The following CNBD1 variants were observed in gnomAD, a reference collection of about 807,000 sequenced individuals.
CNBD1 encodes cyclic nucleotide binding domain containing 1.
CNBD1 carries 71 observed loss-of-function variants against 54.4 expected under a neutral mutation model. That is an observed-to-expected ratio of 1.30 (90% confidence interval 1.08 to 1.59). The LOEUF (loss-of-function observed/expected upper bound fraction) is 1.59, where lower values mean the gene tolerates loss of function less well. Among genes scored for constraint, CNBD1 ranks in the 40% most tolerant of loss-of-function variants. The pLI, the probability that CNBD1 is intolerant of heterozygous loss-of-function variation, is 0.00. For missense variants in CNBD1, 659 were observed against 518.0 expected (o/e 1.27, Z -2.64); for synonymous variants, 182 against 170.7 (o/e 1.07, Z -0.51).
At chr8:86,872,151 A>C (rs1363641509) in intron 1 of CNBD1, among the ~76,000 whole-genome samples, 1 of 152,146 alleles carries the variant, frequency 6.6e-6, no homozygotes, top group African/African-American at 2.4e-5. Flanking sequence ...AGAGCTGGAG[A>C]GTTATCATGC....
chr8:87,324,287 G>A (rs1218430189), intron 8 of CNBD1, among the ~76,000 whole-genome samples: 10 of 128,046 alleles, frequency 7.8e-5, no homozygotes, highest in South Asian at 2.3e-4. Context: ...GTCTCTGCCC[G>A]GCTTTGGTAT....
At chr8:87,315,275 A>G (rs1809359951) in intron 8 of CNBD1, among the ~76,000 whole-genome samples, 2 of 152,134 alleles carry the variant, frequency 1.3e-5, no homozygotes, top group Admixed American at 1.3e-4. Flanking sequence ...AGCTGTGATA[A>G]CACTGCTATA....
chr8:87,405,524 A>C (rs1281551819), intron 2 of CNBD1, among the ~76,000 whole-genome samples: 1 of 152,070 alleles, frequency 6.6e-6, no homozygotes, highest in East Asian at 1.9e-4. Context: ...ACTTAGCAAT[A>C]ATTCGTAAGT....
chr8:87,417,693 T>C (rs549215340), intron 2 of CNBD1, among the ~76,000 whole-genome samples: 1 of 152,070 alleles, frequency 6.6e-6, no homozygotes, highest in African/African-American at 2.4e-5. Context: ...TTCTATACAC[T>C]AGCAAAGAAC....
At chr8:87,082,602 T>G (rs2130667435) in intron 4 of CNBD1, among the ~76,000 whole-genome samples, 1 of 152,282 alleles carries the variant, frequency 6.6e-6, no homozygotes, top group South Asian at 2.1e-4. Context: ...TTTAAACTAT[T>G]TATGTCTTTA....
chr8:87,290,362 C>A (rs1029067750), intron 8 of CNBD1, among the ~76,000 whole-genome samples: 2 of 151,852 alleles, frequency 1.3e-5, no homozygotes, highest in Non-Finnish European at 2.9e-5. Context: ...ATATGCTTTC[C>A]TTAGTTCAAT....
intron 4 of CNBD1, among the ~76,000 whole-genome samples, chr8:87,122,522 G>A (rs1000414929): frequency 6.6e-6 from 1 of 151,644 alleles, no homozygotes; most frequent in African/African-American, 2.4e-5. Flanking sequence ...TTTATTTTGT[G>A]CAGATCTTTT....
intron 8 of CNBD1, among the ~76,000 whole-genome samples, chr8:87,299,674 C>A (rs76181130): frequency 6.6e-6 from 1 of 152,166 alleles, no homozygotes; most frequent in Non-Finnish European, 1.5e-5. Context: ...AGTCCAAATA[C>A]GAGACAGAGT....
At chr8:87,178,718 G>A (rs1259932177) in intron 4 of CNBD1, among the ~76,000 whole-genome samples, 1 of 152,178 alleles carries the variant, frequency 6.6e-6, no homozygotes, top group Non-Finnish European at 1.5e-5. Context: ...AACTAGGCTT[G>A]TAATAGTAGC....
intron 6 of CNBD1, among the ~76,000 whole-genome samples, chr8:87,237,523 ATAGTCAAGTAGT>A (rs1229904646): frequency 2.6e-5 from 4 of 152,180 alleles, no homozygotes; most frequent in Non-Finnish European, 2.9e-5. Context: ...CAATGCTAAG[ATAGTCAAGTAGT>A]TAATTACATT....
rs201667924 is a variant in CNBD1 at position 87,223,907 on chromosome 8, C to T, written c.578-13012C>T. Among the ~76,000 whole-genome samples the T allele has an allele frequency of 7.2e-5, 11 of 152,234 alleles. No homozygotes were observed. In the East Asian group the frequency reaches 1.7e-3, roughly 24 times the overall value. ...TCCACATTCTCTCCAGCACCTGTTG[C>T]TTCCTGACTTTTTAATGATCGCCAT... is the stretch of plus-strand genomic sequence containing the variant. On this transcript the variant is annotated intron_variant, in intron 5 of 10. Coordinates refer to ENST00000518476, the MANE Select transcript of CNBD1 (RefSeq NM_173538.3).
In CNBD1 at chr8:87,227,753, C is replaced by T. The variant is rs1396525553; in HGVS notation, c.578-9166C>T. 3.0e-3 allele frequency among the ~76,000 whole-genome samples: 447 copies of T among 149,444 alleles called. 4 individuals carry two copies. The highest frequency in any genetic ancestry group is 0.01 in the African/African-American group (396 of 39,592). On this transcript the variant is annotated intron_variant, in intron 5 of 10. Coordinates refer to ENST00000518476, the MANE Select transcript of CNBD1 (RefSeq NM_173538.3). The stretch of plus-strand genomic sequence containing the variant: ...CTCTTCTCGAGGAGTATCTTTGTGG[C>T]GTTCTCTGTATTTCCTGAATCTGAA...
At chr8:86,955,349 G>T (rs1807737243) in intron 4 of CNBD1, among the ~76,000 whole-genome samples, 1 of 152,200 alleles carries the variant, frequency 6.6e-6, no homozygotes, top group Non-Finnish European at 1.5e-5. Flanking sequence ...TATATACCCA[G>T]TAATGGGATG....
chr8:87,204,216 A>G (rs925760897), intron 4 of CNBD1, among the ~76,000 whole-genome samples: 13 of 152,098 alleles, frequency 8.5e-5, no homozygotes, highest in African/African-American at 2.2e-4. Flanking sequence ...ATTTGTATCT[A>G]TTTGTTTTCA....
chr8:87,283,363 T>TA (rs1340231077), intron 6 of CNBD1, among the ~76,000 whole-genome samples: 3 of 152,040 alleles, frequency 2.0e-5, no homozygotes, highest in Non-Finnish European at 2.9e-5. Context: ...CTTCCCTTTA[T>TA]AGGGTTTTAT....
At chr8:87,286,456 T>G in intron 7 of CNBD1, 83 bp from the exon 8 acceptor site, 1 of 811,348 alleles carries the variant, frequency 1.2e-6, no homozygotes. Context: ...TTTATTTTAC[T>G]TCTCTCACCA....
chr8:86,964,306 C>T (rs544022267), intron 4 of CNBD1, among the ~76,000 whole-genome samples: 18 of 152,240 alleles, frequency 1.2e-4, no homozygotes, highest in African/African-American at 3.4e-4. Context: ...TCCATTCTCC[C>T]GTTTCATCAT....
At chr8:86,897,018 C>T (rs1288359567) in intron 2 of CNBD1, among the ~76,000 whole-genome samples, 1 of 152,250 alleles carries the variant, frequency 6.6e-6, no homozygotes, top group Non-Finnish European at 1.5e-5. Context: ...AACTTCAAGT[C>T]TTGGTGAGAA....
At chr8:86,972,595 C>A (rs1226403027) in intron 4 of CNBD1, among the ~76,000 whole-genome samples, 1 of 152,134 alleles carries the variant, frequency 6.6e-6, no homozygotes, top group East Asian at 1.9e-4. Context: ...CAAAATTATG[C>A]ACATAATAGG....
Sources: gnomAD v4.1 joint callset for allele counts (sites outside exome capture counted in the v4.1 genomes callset) on GRCh38, gnomAD v4.1.1 for gene constraint, MANE v1.5 for transcripts, NCBI Gene and HGNC (gene_info 2026-07-23, HGNC 2026-07-21) for gene names.